SLC25A26: variants seen among roughly 807,000 people sequenced by gnomAD.
The protein encoded by SLC25A26 is solute carrier family 25 member 26, also known as mitochondrial S-adenosylmethionine carrier protein.
In SLC25A26, 36 loss-of-function variants were observed where a neutral mutation model predicts 37.8. The ratio of observed to expected loss-of-function variants is 0.95; its 90% CI spans 0.73 to 1.26. The LOEUF (loss-of-function observed/expected upper bound fraction) is 1.26, where lower values mean the gene tolerates loss of function less well. SLC25A26 is among the 50% of genes most tolerant of loss of function. The pLI is 0.00. For synonymous variants in SLC25A26, 129 were observed against 122.5 expected (o/e 1.05, Z -0.35); for missense variants, 390 against 331.1 (o/e 1.18, Z -1.38).
At chr3:66,269,009 G>A (rs2073861585) in intron 5 of SLC25A26, among the ~76,000 whole-genome samples, 2 of 152,186 alleles carry the variant, frequency 1.3e-5, no homozygotes, top group South Asian at 2.1e-4. Context: ...TATCTTTATA[G>A]CAGTGTGAGA....
At chr3:66,265,986 C>T (rs1342793785) in intron 5 of SLC25A26, among the ~76,000 whole-genome samples, 3 of 152,180 alleles carry the variant, frequency 2.0e-5, no homozygotes, top group African/African-American at 7.2e-5. Flanking sequence ...ACAGATAAAA[C>T]ACATGGTCGC....
intron 5 of SLC25A26, among the ~76,000 whole-genome samples, chr3:66,342,037 A>G (rs1006696000): frequency 3.9e-5 from 6 of 152,144 alleles, no homozygotes; most frequent in African/African-American, 1.4e-4. Context: ...ATTTAAAAGA[A>G]TGGTTTTGTT....
intron 5 of SLC25A26, among the ~76,000 whole-genome samples, chr3:66,310,383 C>A (rs1047471987): frequency 2.0e-5 from 3 of 152,120 alleles, no homozygotes; most frequent in African/African-American, 7.2e-5. Flanking sequence ...TATTTTGAGC[C>A]TATTTGTGTC....
At chr3:66,358,208 G>A (rs1057434543) in intron 6 of SLC25A26, among the ~76,000 whole-genome samples, 1 of 152,112 alleles carries the variant, frequency 6.6e-6, no homozygotes, top group African/African-American at 2.4e-5. Context: ...GAGCAAATAT[G>A]TAATTTCAAA....
intron 7 of SLC25A26, among the ~76,000 whole-genome samples, chr3:66,364,701 A>C (rs1445312703): frequency 6.6e-6 from 1 of 152,234 alleles, no homozygotes; most frequent in Non-Finnish European, 1.5e-5. Flanking sequence ...CAATAAGAAC[A>C]ACTAACATCC....
At chr3:66,160,007 T>C (rs2070335351) in intron 1 of SLC25A26, among the ~76,000 whole-genome samples, 1 of 151,486 alleles carries the variant, frequency 6.6e-6, no homozygotes, top group East Asian at 1.9e-4. Context: ...ATAATGAATC[T>C]TTTTTTTTCT....
At chr3:66,251,841 G>A (rs2073097010) in intron 3 of SLC25A26, among the ~76,000 whole-genome samples, 1 of 152,092 alleles carries the variant, frequency 6.6e-6, no homozygotes. Flanking sequence ...AGTATGCAGT[G>A]TTAGTTCAGA....
chr3:66,321,604 TA>T (rs1474398652), intron 5 of SLC25A26, among the ~76,000 whole-genome samples: 2 of 152,184 alleles, frequency 1.3e-5, no homozygotes, highest in African/African-American at 4.8e-5. Flanking sequence ...ACAGGGTACA[TA>T]AAGTAATTAT....
rs2071234153 is a variant in SLC25A26 at position 66,209,107 on chromosome 3, T to C, written c.-353-11635T>C. On this transcript the variant is annotated intron_variant, in intron 1 of 10. Transcript: ENST00000676754. ...ATAAAGATGTATATATATATATATA[T>C]ATATATACACAAAAAGATATATATA... is the stretch of plus-strand genomic sequence containing the variant. Among the ~76,000 whole-genome samples, 2 of 111,012 alleles carry C rather than the reference T, an allele frequency of 1.8e-5. 1 individual carries two copies. The highest frequency in any genetic ancestry group is 5.7e-4 in the South Asian group (2 of 3,480). 72.8% of individuals were successfully genotyped at this position (111,012 alleles called of 152,430 possible).
At chr3:66,344,861 GTAGT>G (rs2076284873) in intron 5 of SLC25A26, among the ~76,000 whole-genome samples, 1 of 152,204 alleles carries the variant, frequency 6.6e-6, no homozygotes, top group Admixed American at 6.5e-5. Context: ...GGGGATAGTA[GTAGT>G]TAGACAAGAC....
At chr3:66,279,991 C>G (rs557092280) in intron 5 of SLC25A26, among the ~76,000 whole-genome samples, 1 of 152,200 alleles carries the variant, frequency 6.6e-6, no homozygotes, top group Non-Finnish European at 1.5e-5. Flanking sequence ...TCTGTGTTCA[C>G]AGTCAGCTAT....
intron 5 of SLC25A26, among the ~76,000 whole-genome samples, chr3:66,314,762 T>TG (rs1449249323): frequency 6.4e-5 from 6 of 93,578 alleles, no homozygotes; most frequent in African/African-American, 2.6e-4. Context: ...CTTTTTTTTG[T>TG]TTTTTTTTTT....
At chr3:66,228,781 A>G (rs1553661977) in intron 1 of SLC25A26, among the ~76,000 whole-genome samples, 2 of 152,258 alleles carry the variant, frequency 1.3e-5, no homozygotes, top group East Asian at 3.8e-4. Context: ...ACTTTAAAAA[A>G]TTAACATGTA....
Position 66,226,986 on chromosome 3 carries a change from G to A in SLC25A26, c.33+5859G>A, listed in dbSNP as rs565584583. Among the ~76,000 whole-genome samples the A allele has an allele frequency of 7.2e-5, 11 of 152,296 alleles. No individual in the cohort carries two copies. The South Asian group carries it at 2.3e-3, about 32-fold the overall frequency. On this transcript the variant is annotated intron_variant, in intron 1 of 9. Coordinates refer to ENST00000354883, the MANE Select transcript of SLC25A26 (RefSeq NM_001379210.1). ...TTTTTTGGACAAAACCTTATCAACAGTAGTTTGAACATTTGCTTGTGTTCT... is the reference window on the plus strand; with the variant it reads ...TTTTTTGGACAAAACCTTATCAACAATAGTTTGAACATTTGCTTGTGTTCT...
chr3:66,261,984 T>C (rs2073547335), intron 3 of SLC25A26, 67 bp from the exon 4 acceptor site: 2 of 916,004 alleles, frequency 2.2e-6, no homozygotes, highest in Non-Finnish European at 3.4e-6. Flanking sequence ...AATTTTTGCT[T>C]ACCAAAAAAT....
At chr3:66,240,979 C>T (rs2072555438) in intron 2 of SLC25A26, among the ~76,000 whole-genome samples, 1 of 151,954 alleles carries the variant, frequency 6.6e-6, no homozygotes, top group Admixed American at 6.6e-5. Flanking sequence ...GATCTCCTGA[C>T]CTCGTGATCC....
intron 1 of SLC25A26, among the ~76,000 whole-genome samples, chr3:66,184,240 T>G (rs2070771152): frequency 6.6e-6 from 1 of 152,000 alleles, no homozygotes; most frequent in Non-Finnish European, 1.5e-5. Flanking sequence ...ACACTGACTT[T>G]CACCCTGAAC....
In SLC25A26 at chr3:66,260,938, T is replaced by C. The variant is rs192797188; in HGVS notation, c.301-1113T>C. Among the ~76,000 whole-genome samples, 89 of 152,362 alleles carry C rather than the reference T, an allele frequency of 5.8e-4. 1 individual carries two copies. The highest frequency in any genetic ancestry group is 1.9e-3 in the Admixed American group (29 of 15,306). On this transcript the variant is annotated intron_variant, in intron 3 of 9. Coordinates refer to ENST00000354883, the MANE Select transcript of SLC25A26 (RefSeq NM_001379210.1). The stretch of plus-strand genomic sequence containing the variant: ...GCCTTGCCTTAGAACCATTTAATTT[T>C]GGACAGGCAAAGCCTTATGTGATAT...
chr3:66,195,298 G>T (rs2071026905), intron 1 of SLC25A26, among the ~76,000 whole-genome samples: 1 of 152,194 alleles, frequency 6.6e-6, no homozygotes, highest in Non-Finnish European at 1.5e-5. Context: ...ATCTTTGGGG[G>T]AAAAGCCCCC....
Sources: allele counts gnomAD v4.1 joint callset (sites outside exome capture counted in the v4.1 genomes callset), GRCh38; gene constraint gnomAD v4.1.1; transcripts MANE v1.5; gene names NCBI Gene and HGNC (gene_info 2026-07-23, HGNC 2026-07-21).